The following DESI2 variants were observed in gnomAD, a reference collection of about 807,000 sequenced individuals.
DESI2 encodes the protein deubiquitinase DESI2.
In DESI2, 10 loss-of-function variants were observed where a neutral mutation model predicts 24.1. The observed-to-expected ratio is 0.41, with a 90% CI of 0.26 to 0.70. The LOEUF is 0.70. DESI2 is among the 30% of genes least tolerant of loss of function. DESI2 has a pLI of 0.29. For synonymous variants in DESI2, 71 were observed against 87.7 expected (o/e 0.81, Z 1.06); for missense variants, 122 against 234.9 (o/e 0.52, Z 3.14).
At chr1:244,687,797 G>A (rs944274739) in intron 2 of DESI2, among the ~76,000 whole-genome samples, 1 of 152,208 alleles carries the variant, frequency 6.6e-6, no homozygotes, top group Non-Finnish European at 1.5e-5. Flanking sequence ...TATTGCTGTG[G>A]GTGGGATCAT....
Position 244,653,140 on chromosome 1 carries a change from G to T in DESI2, c.-174G>T, listed in dbSNP as rs1041803020. 1.9e-6 allele frequency: 1 copy of T among 532,940 alleles called. No individual in the cohort carries two copies. The highest frequency in any genetic ancestry group is 2.0e-5 in the African/African-American group (1 of 50,346). The allele number at this position is 532,940 out of a possible 1,614,324, so 33.0% of individuals were successfully genotyped here. A position where few individuals can be genotyped will look rare whatever the true frequency, so the allele number is the denominator to read the frequency against. On this transcript the variant is annotated 5_prime_UTR_variant, in exon 1 of 5. Coordinates refer to ENST00000302550, the MANE Select transcript of DESI2 (RefSeq NM_016076.5). ...CCCGTCCGCACAGACGCTCCTGTCG[G>T]CGGCGCCCGGGAGCGGCTCGGCTGC... is the stretch of plus-strand genomic sequence containing the variant.
rs947858422 is a variant in DESI2 at position 244,707,688 on chromosome 1, T to G, written c.*1899T>G. The G allele has an allele frequency of 6.6e-6, 1 of 152,226 alleles. No individual in the cohort carries two copies. Among genetic ancestry groups the G allele is most frequent in the African/African-American group, 2.4e-5 (1 of 41,444 alleles). The allele number at this position is 152,226 out of a possible 1,614,324, so 9.4% of individuals were successfully genotyped here. ...GTGTTTTCTAATTCATTCAAGTATA[T>G]ATGATTTAAACCTGGGCTACTGACA... is the stretch of plus-strand genomic sequence containing the variant. On this transcript the variant is annotated 3_prime_UTR_variant, in exon 5 of 5. Transcript: ENST00000302550.
In DESI2 at chr1:244,692,068, C is replaced by A. The variant is rs928984881; in HGVS notation, c.351+48C>A. On this transcript the variant is annotated intron_variant, in intron 4 of 4. Coordinates refer to ENST00000302550, the MANE Select transcript of DESI2 (RefSeq NM_016076.5). ...AGTTCTTCAAATAAATATTTGCTATCCCACTATACTTGATATCCCACTATA... is the reference window on the plus strand; with the variant it reads ...AGTTCTTCAAATAAATATTTGCTATACCACTATACTTGATATCCCACTATA... 8.1e-6 allele frequency: 12 copies of A among 1,479,332 alleles called. No individual in the cohort carries two copies. In the African/African-American group the frequency reaches 1.3e-4, roughly 16 times the overall value. The allele number at this position is 1,479,332 out of a possible 1,614,324, so 91.6% of individuals were successfully genotyped here.
chr1:244,673,531 G>C (rs1021687526), intron 1 of DESI2, among the ~76,000 whole-genome samples: 1 of 152,214 alleles, frequency 6.6e-6, no homozygotes, highest in Non-Finnish European at 1.5e-5. Flanking sequence ...CAGCTGGCTA[G>C]AATTAGGAAT....
chr1:244,679,718 A>G (rs1050399946), intron 1 of DESI2, among the ~76,000 whole-genome samples: 9 of 152,078 alleles, frequency 5.9e-5, no homozygotes, highest in African/African-American at 2.2e-4. Context: ...TAAAAATACA[A>G]AAATTATCCA....
intron 4 of DESI2, among the ~76,000 whole-genome samples, chr1:244,692,232 T>G (rs1456656649): frequency 6.6e-6 from 1 of 152,168 alleles, no homozygotes; most frequent in Admixed American, 6.5e-5. Context: ...ATTCATTACT[T>G]TGCAGTGGGT....
At chr1:244,692,158 T>A in intron 4 of DESI2, 138 bp downstream of exon 4, 2 of 755,724 alleles carry the variant, frequency 2.6e-6, no homozygotes, top group Non-Finnish European at 4.1e-6. Context: ...TGTATTTCAA[T>A]CTTGTATGAA....
intron 1 of DESI2, among the ~76,000 whole-genome samples, chr1:244,671,890 T>C (rs1450708505): frequency 6.6e-6 from 1 of 152,254 alleles, no homozygotes; most frequent in African/African-American, 2.4e-5. Flanking sequence ...TTTGAGAAAT[T>C]CTCTTGACCT....
chr1:244,706,068 GTA>G lies in DESI2; in HGVS notation c.*281_*282del. On this transcript the variant is annotated 3_prime_UTR_variant, in exon 5 of 5. Transcript: ENST00000302550. ...CAAGCTCTGTTAAGTTATGTTTACA[GTA>G]TCTTGTATCGCTGTTTACAAATCTT... is the stretch of plus-strand genomic sequence containing the variant. 1 of 355,140 alleles carries G rather than the reference GTA, an allele frequency of 2.8e-6. No individual in the cohort carries two copies. The highest frequency in any genetic ancestry group is 3.6e-5 in the South Asian group (1 of 27,992). The allele number at this position is 355,140 out of a possible 1,614,324, so 22.0% of individuals were successfully genotyped here.
chr1:244,682,593 T>G (rs146641050), intron 1 of DESI2, among the ~76,000 whole-genome samples: 3 of 152,352 alleles, frequency 2.0e-5, no homozygotes, highest in Non-Finnish European at 4.4e-5. Context: ...AATAGATATT[T>G]GCATATGACA....
chr1:244,665,873 C>T (rs377535112), intron 1 of DESI2, among the ~76,000 whole-genome samples: 1 of 152,204 alleles, frequency 6.6e-6, no homozygotes, highest in Non-Finnish European at 1.5e-5. Flanking sequence ...TTGCTCCCCT[C>T]TTCATCTGGG....
intron 1 of DESI2, among the ~76,000 whole-genome samples, chr1:244,664,012 C>G (rs558425914): frequency 8.4e-6 from 1 of 118,836 alleles, no homozygotes; most frequent in African/African-American, 3.1e-5. Context: ...AGTGAGACTC[C>G]GTCTCAGGAA....
intron 1 of DESI2, among the ~76,000 whole-genome samples, chr1:244,657,090 A>G (rs1232377123): frequency 6.6e-6 from 1 of 152,216 alleles, no homozygotes; most frequent in Non-Finnish European, 1.5e-5. Flanking sequence ...ATTTTATTAT[A>G]AAGTAGTACC....
intron 4 of DESI2, among the ~76,000 whole-genome samples, chr1:244,701,326 G>A (rs554536182): frequency 1.3e-5 from 2 of 150,116 alleles, no homozygotes; most frequent in South Asian, 4.2e-4. Context: ...GGATTATTCA[G>A]GAACGATCTG....
chr1:244,667,204 C>CCAAA lies in DESI2; in HGVS notation c.42+13850_42+13853dup, dbSNP rs773401681. Reference sequence around the variant, plus strand: ...CAGCATTAACCCAAAAGTCCACAGTCCAAAGTCTCATCTGAGACAAGGCAA... The same window carrying CCAAA: ...CAGCATTAACCCAAAAGTCCACAGTCCAAACAAAGTCTCATCTGAGACAAGGCAA... On this transcript the variant is annotated intron_variant, in intron 1 of 4. Coordinates refer to ENST00000302550, the MANE Select transcript of DESI2 (RefSeq NM_016076.5). Among the ~76,000 whole-genome samples, 190 of 152,290 alleles carry CCAAA rather than the reference C, an allele frequency of 1.2e-3. 1 individual carries two copies. The highest frequency in any genetic ancestry group is 2.7e-3 in the South Asian group (13 of 4,828).
At chr1:244,696,726 G>A (rs1336864978) in intron 4 of DESI2, among the ~76,000 whole-genome samples, 1 of 152,216 alleles carries the variant, frequency 6.6e-6, no homozygotes, top group Non-Finnish European at 1.5e-5. Flanking sequence ...CTGCCTGCAG[G>A]ATTGGTCCTG....
chr1:244,661,139 CTG>C (rs1397517097), intron 1 of DESI2, among the ~76,000 whole-genome samples: 4 of 152,204 alleles, frequency 2.6e-5, no homozygotes, highest in Admixed American at 6.5e-5. Flanking sequence ...TCTTGCAAAA[CTG>C]AGACTCTATA....
At chr1:244,692,970 C>T (rs112880578) in intron 4 of DESI2, among the ~76,000 whole-genome samples, 93 of 152,264 alleles carry the variant, frequency 6.1e-4, no homozygotes, top group East Asian at 9.6e-4. Flanking sequence ...GCATCAGTAC[C>T]GTAGAAGTGA....
intron 1 of DESI2, among the ~76,000 whole-genome samples, chr1:244,674,982 G>A (rs1356591343): frequency 6.6e-6 from 1 of 152,178 alleles, no homozygotes. Flanking sequence ...CACCAGTAAT[G>A]TATTCGAGTT....
Sources: gnomAD v4.1 joint callset for allele counts (sites outside exome capture counted in the v4.1 genomes callset) on GRCh38, gnomAD v4.1.1 for gene constraint, MANE v1.5 for transcripts, NCBI Gene and HGNC (gene_info 2026-07-23, HGNC 2026-07-21) for gene names.